MBD5: variants seen among roughly 807,000 people sequenced by gnomAD.
MBD5 encodes methyl-CpG binding domain protein 5.
A neutral mutation model predicts 117.3 loss-of-function variants in MBD5; 13 were observed. The observed-to-expected ratio is 0.11, with a 90% CI of 0.07 to 0.18. The LOEUF (loss-of-function observed/expected upper bound fraction) is 0.18. MBD5 is among the 10% of genes least tolerant of loss of function. The probability of loss-of-function intolerance (pLI) is 1.00; values close to 1 mark genes in which losing one functional copy is unlikely to be tolerated. For synonymous variants in MBD5, 727 were observed against 766.4 expected (o/e 0.95, Z 0.85); for missense variants, 1,879 against 2,093.8 (o/e 0.90, Z 2.00).
At chr2:148,495,025 T>C (rs1045665781) in intron 11 of MBD5, among the ~76,000 whole-genome samples, 3 of 152,116 alleles carry the variant, frequency 2.0e-5, no homozygotes, top group Non-Finnish European at 2.9e-5. Flanking sequence ...GTTATACTTG[T>C]TCTAAATAAC....
At chr2:148,306,510 G>C (rs747948759) in intron 3 of MBD5, among the ~76,000 whole-genome samples, 4 of 151,934 alleles carry the variant, frequency 2.6e-5, no homozygotes, top group Non-Finnish European at 2.9e-5. Flanking sequence ...CTCAATAATA[G>C]TATCCATATT....
At chr2:148,384,349 C>T (rs1248342172) in intron 4 of MBD5, among the ~76,000 whole-genome samples, 5 of 152,126 alleles carry the variant, frequency 3.3e-5, no homozygotes, top group South Asian at 4.1e-4. Context: ...CATGAGGGAA[C>T]TCCCATTCAC....
intron 11 of MBD5, among the ~76,000 whole-genome samples, chr2:148,491,325 A>G (rs1239274037): frequency 2.0e-5 from 3 of 150,772 alleles, no homozygotes; most frequent in Non-Finnish European, 2.9e-5. Context: ...CGGCCTTTAC[A>G]ATAATGGTGG....
At chr2:148,404,860 A>G (rs181381906) in intron 4 of MBD5, among the ~76,000 whole-genome samples, 45 of 152,012 alleles carry the variant, frequency 3.0e-4, no homozygotes, top group African/African-American at 1.1e-3. Context: ...TTTTTTATCT[A>G]ATTTATTTTA....
chr2:148,097,438 A>C (rs1360238456), intron 1 of MBD5, among the ~76,000 whole-genome samples: 1 of 152,250 alleles, frequency 6.6e-6, no homozygotes, highest in Non-Finnish European at 1.5e-5. Flanking sequence ...TGGGAGTGGA[A>C]AGCTGAAGCC....
chr2:148,197,810 T>G (rs1360100754), intron 2 of MBD5, among the ~76,000 whole-genome samples: 4 of 115,430 alleles, frequency 3.5e-5, no homozygotes, highest in Non-Finnish European at 5.7e-5. Flanking sequence ...TTTTTTGTTT[T>G]TTTTTTTGTT....
rs976326629 is a variant in MBD5 at position 148,189,449 on chromosome 2, G to C, written c.-831+10656G>C. ...GCCTCCTCAAGTGGGTCCCTGACCC[G>C]TGACCCCCGAGCAGCCTAACTGGGA... On this transcript the variant is annotated intron_variant, in intron 2 of 13. Transcript: ENST00000642680. 2.4e-4 allele frequency among the ~76,000 whole-genome samples: 35 copies of C among 145,210 alleles called. No homozygotes were observed. In the East Asian group the frequency reaches 3.2e-3, roughly 13 times the overall value.
At chr2:148,042,193 T>A (rs1694379374) in intron 1 of MBD5, among the ~76,000 whole-genome samples, 2 of 152,226 alleles carry the variant, frequency 1.3e-5, no homozygotes, top group African/African-American at 4.8e-5. Flanking sequence ...TTCTCTTTTA[T>A]AAGAATCTAT....
chr2:148,154,358 G>T (rs71626571), intron 1 of MBD5, among the ~76,000 whole-genome samples: 1 of 151,790 alleles, frequency 6.6e-6, no homozygotes, highest in East Asian at 2.0e-4. Flanking sequence ...GGACATTTAA[G>T]TCTGCAGAGG....
At chr2:148,243,405 A>G (rs1700264106) in intron 3 of MBD5, among the ~76,000 whole-genome samples, 1 of 152,046 alleles carries the variant, frequency 6.6e-6, no homozygotes, top group African/African-American at 2.4e-5. Flanking sequence ...TGTAGGGAAA[A>G]GCTGTATTAT....
Position 148,021,616 on chromosome 2 carries a change from C to A in MBD5, c.-993C>A. 2.1e-6 allele frequency: 1 copy of A among 465,438 alleles called. No homozygotes were observed. 28.8% of individuals were successfully genotyped at this position (465,438 alleles called of 1,614,324 possible). ...TTCGCCTCCTCCTCCTCCACTCCCCCCCTTTATTACCCTTTGTGTCATCCT... is the reference window on the plus strand; with the variant it reads ...TTCGCCTCCTCCTCCTCCACTCCCCACCTTTATTACCCTTTGTGTCATCCT... On this transcript the variant is annotated 5_prime_UTR_variant, in exon 1 of 14. Transcript: ENST00000642680.
At chr2:148,047,958 CAAA>C (rs1694580205) in intron 1 of MBD5, among the ~76,000 whole-genome samples, 1 of 152,152 alleles carries the variant, frequency 6.6e-6, no homozygotes, top group African/African-American at 2.4e-5. Flanking sequence ...GAAAGCCTCA[CAAA>C]GAAGCCTCTA....
intron 13 of MBD5, among the ~76,000 whole-genome samples, chr2:148,510,497 G>C (rs1179772464): frequency 6.6e-6 from 1 of 152,160 alleles, no homozygotes; most frequent in African/African-American, 2.4e-5. Flanking sequence ...TCTGTCCATT[G>C]AACCAAAAAG....
chr2:148,482,151 T>C (rs1470090780), intron 8 of MBD5, among the ~76,000 whole-genome samples: 1 of 152,204 alleles, frequency 6.6e-6, no homozygotes, highest in Non-Finnish European at 1.5e-5. Context: ...TTTGACAATA[T>C]GTATTCAAAG....
intron 4 of MBD5, among the ~76,000 whole-genome samples, chr2:148,383,907 A>G (rs1457510624): frequency 1.3e-5 from 2 of 152,208 alleles, no homozygotes; most frequent in African/African-American, 2.4e-5. Context: ...ACAAAATTCA[A>G]CACCCCTTCA....
chr2:148,297,307 C>A (rs1199939329), intron 3 of MBD5, among the ~76,000 whole-genome samples: 1 of 152,168 alleles, frequency 6.6e-6, no homozygotes, highest in African/African-American at 2.4e-5. Context: ...CATTTAATGA[C>A]TTCCCTGGAC....
At chr2:148,066,996 C>T (rs1479814495) in intron 1 of MBD5, among the ~76,000 whole-genome samples, 2 of 152,142 alleles carry the variant, frequency 1.3e-5, no homozygotes, top group East Asian at 3.9e-4. Context: ...AAGTGATGTT[C>T]CCAGTACCTA....
chr2:148,200,809 TAAGAAC>T (rs202162410), intron 2 of MBD5, among the ~76,000 whole-genome samples: 5,657 of 152,260 alleles, frequency 0.037, 283 homozygotes, highest in African/African-American at 0.11. Flanking sequence ...ACTTTAAATG[TAAGAAC>T]TTCTAAAGAA....
chr2:148,452,259 G>A (rs1218763894), intron 4 of MBD5, among the ~76,000 whole-genome samples: 2 of 152,124 alleles, frequency 1.3e-5, no homozygotes, highest in Non-Finnish European at 2.9e-5. Flanking sequence ...ACTTTGGAAG[G>A]CCAAGGCAAG....
Sources: allele counts gnomAD v4.1 joint callset (sites outside exome capture counted in the v4.1 genomes callset), GRCh38; gene constraint gnomAD v4.1.1; transcripts MANE v1.5; gene names NCBI Gene and HGNC (gene_info 2026-07-23, HGNC 2026-07-21).